DYSF: variants seen among roughly 807,000 people sequenced by gnomAD.
The protein encoded by DYSF is dystrophy-associated fer-1-like 1.
In DYSF, 212 loss-of-function variants were observed where a neutral mutation model predicts 274.9. That is an observed-to-expected ratio of 0.77 (90% confidence interval 0.69 to 0.86). The LOEUF is 0.86. Among genes scored for constraint, DYSF ranks in the 40% least tolerant of loss-of-function variants. The pLI, the probability that DYSF is intolerant of heterozygous loss-of-function variation, is 0.00. For synonymous variants in DYSF, 1,091 were observed against 1,078.7 expected (o/e 1.01, Z -0.22); for missense variants, 2,666 against 2,783.2 (o/e 0.96, Z 0.95).
intron 41 of DYSF, among the ~76,000 whole-genome samples, chr2:71,623,536 T>C (rs1216818053): frequency 6.6e-6 from 1 of 152,200 alleles, no homozygotes; most frequent in Non-Finnish European, 1.5e-5. Context: ...TCATTTGACA[T>C]GTGCCACACC....
At chr2:71,653,482 A>G (rs1418955340) in intron 42 of DYSF, among the ~76,000 whole-genome samples, 1 of 152,274 alleles carries the variant, frequency 6.6e-6, no homozygotes. Flanking sequence ...ATGCAGCCAT[A>G]AAGAATGATG....
At position 71,548,151 on chromosome 2, in the gene DYSF, C is replaced by T. The variant is rs116452076; in HGVS notation, c.1577-2890C>T. On this transcript the variant is annotated intron_variant, in intron 17 of 55. Coordinates refer to ENST00000410020, the MANE Select transcript of DYSF (RefSeq NM_001130987.2). ...TTTTTGCAGCCCTGGTGTCTGCTGG[C>T]TGGCATTCATAGCTGAGGCCTCGCT... Among the ~76,000 whole-genome samples, 607 of 152,336 alleles carry T rather than the reference C, an allele frequency of 4.0e-3. 3 individuals are homozygous for T. Among genetic ancestry groups the T allele is most frequent in the African/African-American group, 0.014 (577 of 41,576 alleles).
Position 71,588,296 on chromosome 2 carries a change from C to T in DYSF, c.3403-1297C>T, listed in dbSNP as rs189022050. ...TCAGGCCGAGGAGCTGCATAGTGAC[C>T]GAGGGTGATGAAGCTGGTTTTGGCT... On this transcript the variant is annotated intron_variant, in intron 30 of 55. Coordinates refer to ENST00000410020, the MANE Select transcript of DYSF (RefSeq NM_001130987.2). Among the ~76,000 whole-genome samples, 548 of 152,170 alleles carry T rather than the reference C, an allele frequency of 3.6e-3. 4 individuals carry two copies. Among genetic ancestry groups the T allele is most frequent in the Non-Finnish European group, 4.6e-3 (315 of 68,010 alleles).
rs751805433 is a variant in DYSF at position 71,612,831 on chromosome 2, A to G, written c.4387+25A>G. ...GGTAGGGGAAGGGGAGATGATGGGCAGGTCAGGGAAGGGGGAGCCTCAGGG... is the reference window on the plus strand; with the variant it reads ...GGTAGGGGAAGGGGAGATGATGGGCGGGTCAGGGAAGGGGGAGCCTCAGGG... On this transcript the variant is annotated intron_variant, in intron 39 of 55. Coordinates refer to ENST00000410020, the MANE Select transcript of DYSF (RefSeq NM_001130987.2). The G allele has an allele frequency of 8.1e-6, 13 of 1,598,722 alleles. No homozygotes were observed. In the Admixed American group the frequency reaches 1.5e-4, roughly 19 times the overall value.
intron 24 of DYSF, among the ~76,000 whole-genome samples, chr2:71,564,947 G>A (rs1390755212): frequency 1.3e-5 from 2 of 152,320 alleles, no homozygotes; most frequent in East Asian, 3.9e-4. Context: ...GTGTGGCCTG[G>A]CGTGCAGGAC....
At chr2:71,657,572 C>T (rs1465749441) in intron 43 of DYSF, among the ~76,000 whole-genome samples, 2 of 152,230 alleles carry the variant, frequency 1.3e-5, no homozygotes, top group African/African-American at 4.8e-5. Flanking sequence ...AAACTTTTGC[C>T]TGGGCATCCA....
At chr2:71,622,480 C>G (rs550513986) in intron 41 of DYSF, among the ~76,000 whole-genome samples, 1 of 152,290 alleles carries the variant, frequency 6.6e-6, no homozygotes, top group Admixed American at 6.5e-5. Flanking sequence ...ATTTGAGATG[C>G]TGCTGAGCAG....
intron 36 of DYSF, among the ~76,000 whole-genome samples, chr2:71,603,792 C>T (rs530897915): frequency 6.6e-6 from 1 of 152,254 alleles, no homozygotes; most frequent in African/African-American, 2.4e-5. Context: ...TGATTGAGTG[C>T]ACTTTGTGGC....
chr2:71,485,752 G>T (rs1484609942), intron 3 of DYSF, among the ~76,000 whole-genome samples: 1 of 152,146 alleles, frequency 6.6e-6, no homozygotes, highest in African/African-American at 2.4e-5. Context: ...AAGAATGAAC[G>T]CATGACATTT....
At chr2:71,552,899 G>T (rs2091049503) in intron 19 of DYSF, 112 bp from the exon 20 acceptor site, 1 of 1,081,630 alleles carries the variant, frequency 9.2e-7, no homozygotes. Flanking sequence ...GTCCAGCCAG[G>T]AGCTATTGGG....
chr2:71,607,325 G>C (rs1457733007), intron 36 of DYSF, among the ~76,000 whole-genome samples: 1 of 152,188 alleles, frequency 6.6e-6, no homozygotes, highest in African/African-American at 2.4e-5. Flanking sequence ...CAGGGGTTGC[G>C]TGTGTCCCAG....
At position 71,544,384 on chromosome 2, in the gene DYSF, T is replaced by C. The variant is rs548433599; in HGVS notation, c.1576+5145T>C. Among the ~76,000 whole-genome samples the C allele has an allele frequency of 2.0e-5, 3 of 152,144 alleles. No homozygotes were observed. The South Asian group carries it at 6.2e-4, about 32-fold the overall frequency. Reference sequence around the variant, plus strand: ...GAAGCTGGAGATCGTCTCCAGATTCTAGATCTGTAGGAGACCTCTAGGAGT... The same window carrying C: ...GAAGCTGGAGATCGTCTCCAGATTCCAGATCTGTAGGAGACCTCTAGGAGT... On this transcript the variant is annotated intron_variant, in intron 17 of 55. Transcript: ENST00000410020.
intron 1 of DYSF, among the ~76,000 whole-genome samples, chr2:71,454,966 C>T (rs914196969): frequency 2.6e-5 from 4 of 151,510 alleles, no homozygotes; most frequent in Non-Finnish European, 4.4e-5. Context: ...GAGTGTGAAC[C>T]TCCCACCCAG....
At chr2:71,556,350 T>C (rs541763104) in intron 22 of DYSF, among the ~76,000 whole-genome samples, 3 of 152,330 alleles carry the variant, frequency 2.0e-5, no homozygotes, top group African/African-American at 4.8e-5. Flanking sequence ...CCCCGACCTC[T>C]TATTTCCCTG....
intron 45 of DYSF, 38 bp downstream of exon 45, chr2:71,660,689 C>T (rs1351940200): frequency 6.4e-7 from 1 of 1,565,830 alleles, no homozygotes. Flanking sequence ...GTGGAGGAGC[C>T]AGACAGGATA....
chr2:71,623,253 C>T (rs2152898972), intron 41 of DYSF, among the ~76,000 whole-genome samples: 1 of 151,736 alleles, frequency 6.6e-6, no homozygotes, highest in East Asian at 1.9e-4. Context: ...TATACATGTG[C>T]CATGCTGGTG....
In DYSF at chr2:71,568,229, T is replaced by C. The variant is rs774078137; in HGVS notation, c.2755T>C (p.Tyr919His). 13 of 1,614,226 alleles carry C rather than the reference T, an allele frequency of 8.1e-6. No homozygotes were observed. Among genetic ancestry groups the C allele is most frequent in the Non-Finnish European group, 1.0e-5 (12 of 1,180,032 alleles). ...VGNWGTTGLT[Y>H]PKFSDVTGKI... Reference sequence around the variant, plus strand: ...GAACTGGGGCACAACGGGCCTCACCTACCCCAAGTTTTCTGACGTCACGGG... The same window carrying C: ...GAACTGGGGCACAACGGGCCTCACCCACCCCAAGTTTTCTGACGTCACGGG... The change falls in exon 26 of 56, where the codon TAC becomes CAC. Residue 919 changes from tyrosine to histidine, a missense_variant. Tyr to His is a moderately conservative substitution (Grantham distance 83). Transcript: ENST00000410020.
chr2:71,548,896 G>A (rs935093872), intron 17 of DYSF, among the ~76,000 whole-genome samples: 4 of 152,216 alleles, frequency 2.6e-5, no homozygotes, highest in African/African-American at 9.6e-5. Flanking sequence ...CTGCCTGCGG[G>A]CTTGGAGTGT....
intron 41 of DYSF, 123 bp from the exon 42 acceptor site, chr2:71,643,842 T>A: frequency 1.3e-6 from 1 of 760,366 alleles, no homozygotes; most frequent in Non-Finnish European, 2.3e-6. Flanking sequence ...CTCCCCCACA[T>A]CACCCTTAGG....
Sources: allele counts gnomAD v4.1 joint callset (sites outside exome capture counted in the v4.1 genomes callset), GRCh38; gene constraint gnomAD v4.1.1; transcripts MANE v1.5; gene names NCBI Gene and HGNC (gene_info 2026-07-23, HGNC 2026-07-21).